Variants in TRIM14 observed in about 807,000 individuals in gnomAD.
The protein encoded by TRIM14 is tripartite motif containing 14.
Under a neutral mutation model 44.5 loss-of-function variants are expected in TRIM14, and 28 were observed. The observed-to-expected ratio is 0.63, with a 90% CI of 0.47 to 0.86. The LOEUF (loss-of-function observed/expected upper bound fraction) is 0.86, where lower values mean the gene tolerates loss of function less well. Among genes scored for constraint, TRIM14 ranks in the 40% least tolerant of loss-of-function variants. The pLI, the probability that TRIM14 is intolerant of heterozygous loss-of-function variation, is 0.00. For synonymous variants in TRIM14, 299 were observed against 269.2 expected (o/e 1.11, Z -1.08); for missense variants, 607 against 611.1 (o/e 0.99, Z 0.07).
chr9:98,081,322 G>A, downstream of TRIM14: 1 of 567,376 alleles, frequency 1.8e-6, no homozygotes, highest in Non-Finnish European at 3.1e-6. Context: ...GCCACCTAGG[G>A]TCACATTAGA....
intron 2 of TRIM14, among the ~76,000 whole-genome samples, chr9:98,106,271 T>C (rs745654485): frequency 1.7e-4 from 26 of 152,198 alleles, no homozygotes; most frequent in Non-Finnish European, 2.4e-4. Context: ...CATATGCATA[T>C]ACAGGAAAAA....
At chr9:98,111,678 G>A (rs1826857889) in intron 1 of TRIM14, among the ~76,000 whole-genome samples, 1 of 152,142 alleles carries the variant, frequency 6.6e-6, no homozygotes, top group South Asian at 2.1e-4. Context: ...GGTGGCTAAC[G>A]CCTGTAATCC....
intron 1 of TRIM14, among the ~76,000 whole-genome samples, chr9:98,118,153 A>T (rs903910773): frequency 3.3e-5 from 5 of 152,170 alleles, no homozygotes; most frequent in Non-Finnish European, 5.9e-5. Context: ...GTCAGACATG[A>T]GGGCCTACCT....
At chr9:98,066,887 G>A (rs1410613542), downstream of TRIM14, among the ~76,000 whole-genome samples, 2 of 152,124 alleles carry the variant, frequency 1.3e-5, no homozygotes, top group Admixed American at 6.6e-5. Context: ...CTAACCTCAG[G>A]TGATCCACTT....
intron 6 of TRIM14, chr9:98,074,498 G>A (rs1049348217): frequency 2.6e-5 from 4 of 152,206 alleles, no homozygotes; most frequent in Non-Finnish European, 4.4e-5. Context: ...CTGAAAGTTA[G>A]GATCTTCCAG....
At chr9:98,083,161 T>A (rs1829966021), downstream of TRIM14, 1 of 996,492 alleles carries the variant, frequency 1.0e-6, no homozygotes, top group Non-Finnish European at 1.5e-6. Context: ...CTGGCTGTCA[T>A]CCACCTCCAC....
chr9:98,118,400 A>G (rs1168101410), intron 1 of TRIM14, among the ~76,000 whole-genome samples: 1 of 152,100 alleles, frequency 6.6e-6, no homozygotes, highest in African/African-American at 2.4e-5. Context: ...AATGGCTGTA[A>G]TAATAATGGC....
chr9:98,105,381 C>T (rs972193751), intron 2 of TRIM14, among the ~76,000 whole-genome samples: 2 of 152,166 alleles, frequency 1.3e-5, no homozygotes, highest in African/African-American at 4.8e-5. Flanking sequence ...GAGTTCGAGA[C>T]CAGCCTGGCC....
At chr9:98,070,203 C>T (rs987794380) in intron 6 of TRIM14, among the ~76,000 whole-genome samples, 4 of 152,120 alleles carry the variant, frequency 2.6e-5, no homozygotes, top group African/African-American at 4.8e-5. Context: ...CTGTAACCTT[C>T]GCCTCCCAGG....
At position 98,087,890 on chromosome 9, in the gene TRIM14, C is replaced by A. The variant is rs772388196; in HGVS notation, c.909G>T (p.Leu303=). 2 of 1,569,858 alleles carry A rather than the reference C, an allele frequency of 1.3e-6. No homozygotes were observed. The highest frequency in any genetic ancestry group is 2.3e-5 in the South Asian group (2 of 87,412). The part of the protein sequence containing the change: ...LLGSLGPVPV[L]RFDALWQVLA... ...GCACTTGCCAGAGCGCGTCGAACCG[C>A]AGCACGGGCACGGGCCCCAGGCTGC... Residue 303 remains leucine, a synonymous_variant, in exon 6 of 6, where the codon CTG becomes CTT. Coordinates refer to ENST00000341469, the MANE Select transcript of TRIM14 (RefSeq NM_014788.4).
chr9:98,094,366 G>T (rs1041165422), intron 4 of TRIM14, among the ~76,000 whole-genome samples: 3 of 152,130 alleles, frequency 2.0e-5, no homozygotes, highest in African/African-American at 7.2e-5. Context: ...CAAGGAGGGG[G>T]GTCCATGTAT....
rs1278881486 is a variant in TRIM14, at chr9:98,119,177, C to A, written c.12G>T (p.Ala4=). 14 of 1,574,018 alleles carry A rather than the reference C, an allele frequency of 8.9e-6. No homozygotes were observed. Among genetic ancestry groups the A allele is most frequent in the Non-Finnish European group, 1.2e-5 (14 of 1,170,472 alleles). Residue 4 remains alanine, a synonymous_variant, in exon 1 of 6, where the codon GCG becomes GCT. Transcript: ENST00000341469. ...TCCCAGGGGTCCGGCTCCCGGTCGC[C>A]GCGCCCGCCATTCATCTCCACCTCC... The part of the protein sequence containing the change: MAG[A]ATGSRTPGRS...
intron 5 of TRIM14, 125 bp downstream of exon 5, chr9:98,091,784 A>AAAATAAAT (rs10623512): frequency 0.051 from 24,009 of 467,028 alleles, 768 homozygotes; most frequent in Non-Finnish European, 0.058. Context: ...ACAAGTTCTT[A>AAAATAAAT]AAATAAATAA....
intron 2 of TRIM14, among the ~76,000 whole-genome samples, chr9:98,105,510 C>A (rs529608191): frequency 4.6e-4 from 70 of 152,270 alleles, no homozygotes; most frequent in African/African-American, 1.6e-3. Flanking sequence ...GCCCAGGAGG[C>A]GGAGGTTGCA....
chr9:98,094,341 C>T (rs192036097), intron 4 of TRIM14, among the ~76,000 whole-genome samples: 90 of 152,284 alleles, frequency 5.9e-4, no homozygotes, highest in Admixed American at 1.3e-3. Context: ...CTGCCCTTCA[C>T]GTGCTTACAA....
the TRIM14 span, among the ~76,000 whole-genome samples, chr9:98,043,850 G>A: frequency 6.6e-6 from 1 of 151,908 alleles, no homozygotes; most frequent in South Asian, 2.1e-4. Flanking sequence ...GGACCTTTGG[G>A]CTCTTTTTCC....
chr9:98,107,254 G>A (rs78719623), intron 2 of TRIM14, among the ~76,000 whole-genome samples: 4,455 of 152,216 alleles, frequency 0.029, 78 homozygotes, highest in Non-Finnish European at 0.046. Context: ...AAAACAGGCA[G>A]GTGCCATATG....
At chr9:98,107,752 C>T (rs948135151) in intron 2 of TRIM14, among the ~76,000 whole-genome samples, 14 of 151,884 alleles carry the variant, frequency 9.2e-5, no homozygotes, top group African/African-American at 2.7e-4. Context: ...CTGCAACCTC[C>T]ACCTCCTGGG....
At chr9:98,094,774 G>C in intron 4 of TRIM14, 93 bp downstream of exon 4, 1 of 1,453,288 alleles carries the variant, frequency 6.9e-7, no homozygotes, top group Non-Finnish European at 9.4e-7. Flanking sequence ...GTGTGGGAGA[G>C]ACAGGATGTA....
Sources: allele counts gnomAD v4.1 joint callset (sites outside exome capture counted in the v4.1 genomes callset), GRCh38; gene constraint gnomAD v4.1.1; transcripts MANE v1.5; gene names NCBI Gene and HGNC (gene_info 2026-07-23, HGNC 2026-07-21).